MEAF6: variants seen among roughly 807,000 people sequenced by gnomAD.
MEAF6 encodes chromatin modification-related protein MEAF6.
A neutral mutation model predicts 28.9 loss-of-function variants in MEAF6; 15 were observed. The observed-to-expected ratio is 0.52, with a 90% CI of 0.35 to 0.80. The LOEUF (loss-of-function observed/expected upper bound fraction) is 0.80. Among genes scored for constraint, MEAF6 ranks in the 30% least tolerant of loss-of-function variants. The probability of loss-of-function intolerance (pLI) is 0.01; values close to 1 mark genes in which losing one functional copy is unlikely to be tolerated. For synonymous variants in MEAF6, 97 were observed against 88.7 expected, an observed-to-expected ratio of 1.09 and a Z score of -0.53; for missense variants, 178 against 237.5, an observed-to-expected ratio of 0.75 and a Z score of 1.65.
At chr1:37,502,075 T>C (rs1317398730) in intron 4 of MEAF6, 79 bp from the exon 5 acceptor site, 4 of 1,237,764 alleles carry the variant, frequency 3.2e-6, no homozygotes. Context: ...TGAACACTAA[T>C]AGGTAGAAAA....
chr1:37,497,602 A>G (rs949747173), intron 5 of MEAF6, among the ~76,000 whole-genome samples: 8 of 147,482 alleles, frequency 5.4e-5, no homozygotes, highest in African/African-American at 2.0e-4. Flanking sequence ...TTATTTATTT[A>G]TTTTTTGAGA....
intron 5 of MEAF6, chr1:37,500,844 A>G (rs1408868985): frequency 6.5e-6 from 1 of 153,490 alleles, no homozygotes; most frequent in African/African-American, 2.4e-5. Context: ...CATCCCTTGC[A>G]TTGCCCCCTT....
At chr1:37,509,986 AGGCT>A (rs1317043280) in intron 2 of MEAF6, among the ~76,000 whole-genome samples, 1 of 151,870 alleles carries the variant, frequency 6.6e-6, no homozygotes, top group African/African-American at 2.4e-5. Context: ...CATGTTGGTC[AGGCT>A]GGTCTTGAAC....
intron 6 of MEAF6, 75 bp from the exon 7 acceptor site, chr1:37,494,182 C>T (rs1642035325): frequency 7.9e-7 from 1 of 1,272,890 alleles, no homozygotes; most frequent in South Asian, 1.3e-5. Flanking sequence ...AAAAAAAAAT[C>T]TCATAAACAA....
chr1:37,496,219 G>A (rs1642126127), intron 5 of MEAF6, among the ~76,000 whole-genome samples: 1 of 152,188 alleles, frequency 6.6e-6, no homozygotes, highest in Non-Finnish European at 1.5e-5. Context: ...TAAAAAGACT[G>A]AAGTAAGAGG....
chr1:37,511,664 T>C (rs1315840009), intron 2 of MEAF6, among the ~76,000 whole-genome samples: 2 of 152,206 alleles, frequency 1.3e-5, no homozygotes, highest in Admixed American at 6.5e-5. Flanking sequence ...CAATTGCCTA[T>C]GTAAGATTTT....
At position 37,491,024 on chromosome 1, in the gene MEAF6, C is replaced by A. The variant is rs781153323; in HGVS notation, c.*3075G>T. Among the ~76,000 whole-genome samples, 3 of 151,880 alleles carry A rather than the reference C, an allele frequency of 2.0e-5. No individual in the cohort carries two copies. The highest frequency in any genetic ancestry group is 4.4e-5 in the Non-Finnish European group (3 of 67,986). ...CCTGGACGACAGAGCAAGACTCTGT[C>A]TCAAAAAAATAAATAAATAAAATAA... On this transcript the variant is annotated 3_prime_UTR_variant, in exon 7 of 7. Coordinates refer to ENST00000296214, the MANE Select transcript of MEAF6 (RefSeq NM_001270875.3).
chr1:37,500,841 T>A (rs1351923430), intron 5 of MEAF6: 1 of 153,438 alleles, frequency 6.5e-6, no homozygotes, highest in Non-Finnish European at 1.5e-5. Flanking sequence ...ACCCATCCCT[T>A]GCATTGCCCC....
At chr1:37,504,493 G>A (rs1038318579) in intron 4 of MEAF6, among the ~76,000 whole-genome samples, 1 of 151,980 alleles carries the variant, frequency 6.6e-6, no homozygotes, top group African/African-American at 2.4e-5. Flanking sequence ...TTATCTGGCC[G>A]AGCACAGTGG....
intron 5 of MEAF6, chr1:37,501,387 A>T (rs1642297294): frequency 6.4e-6 from 1 of 155,848 alleles, no homozygotes; most frequent in African/African-American, 2.4e-5. Flanking sequence ...CCATCCACAA[A>T]GAAATAAGAG....
rs1460429103 is a variant in MEAF6 at position 37,492,198 on chromosome 1, T to C, written c.*1901A>G. 1.3e-5 allele frequency among the ~76,000 whole-genome samples: 2 copies of C among 152,052 alleles called. No homozygotes were observed. Among genetic ancestry groups the C allele is most frequent in the Non-Finnish European group, 2.9e-5 (2 of 68,010 alleles). On this transcript the variant is annotated 3_prime_UTR_variant, in exon 7 of 7. Transcript: ENST00000296214. ...CACCCGCCACCACGCTCAGCTAATT[T>C]TTTGCATTTTTAGTAGAGATGGGGT...
chr1:37,514,736 T>TGCATCGCCATGTTGG lies in MEAF6; in HGVS notation c.-5_10dup (p.Met3_His4insProAsnMetAlaMet). 2 of 1,505,386 alleles carry TGCATCGCCATGTTGG rather than the reference T, an allele frequency of 1.3e-6. No individual in the cohort carries two copies. The highest frequency in any genetic ancestry group is 1.8e-6 in the Non-Finnish European group (2 of 1,130,242). 93.3% of individuals were successfully genotyped at this position (1,505,386 alleles called of 1,614,324 possible). On this transcript the variant is annotated inframe_insertion, in exon 1 of 7. Coordinates refer to ENST00000296214, the MANE Select transcript of MEAF6 (RefSeq NM_001270875.3). ...GATCTGCGGCGGCGCCGCCTTGTTG[T>TGCATCGCCATGTTGG]GCATCGCCATGTTGGGCTGAGGCGG...
At chr1:37,496,426 G>T in intron 5 of MEAF6, 1 of 424,010 alleles carries the variant, frequency 2.4e-6, no homozygotes, top group Non-Finnish European at 3.9e-6. Context: ...TCCTTATGAA[G>T]CAAAGCCAGA....
intron 1 of MEAF6, 34 bp downstream of exon 1, chr1:37,514,623 C>T: frequency 1.4e-6 from 2 of 1,460,394 alleles, no homozygotes; most frequent in Non-Finnish European, 1.8e-6. Context: ...GGCGCGGAGC[C>T]CCATGCCGTG....
chr1:37,507,983 CAAAAG>C (rs1642540914), intron 4 of MEAF6, among the ~76,000 whole-genome samples: 1 of 152,016 alleles, frequency 6.6e-6, no homozygotes, highest in Non-Finnish European at 1.5e-5. Flanking sequence ...CCAATGCCAA[CAAAAG>C]AACTAGATCC....
chr1:37,507,926 C>T (rs994949409), intron 4 of MEAF6, among the ~76,000 whole-genome samples: 2 of 151,802 alleles, frequency 1.3e-5, no homozygotes, highest in Non-Finnish European at 2.9e-5. Context: ...TAATTAAATA[C>T]TTCTAATTCC....
intron 1 of MEAF6, 94 bp from the exon 2 acceptor site, chr1:37,513,632 G>A: frequency 9.7e-7 from 1 of 1,028,582 alleles, no homozygotes; most frequent in Non-Finnish European, 1.5e-6. Flanking sequence ...ACTCGTAAAC[G>A]CAAGCTTGCC....
chr1:37,494,175 A>G (rs1247959207), intron 6 of MEAF6, 68 bp from the exon 7 acceptor site: 1 of 1,375,160 alleles, frequency 7.3e-7, no homozygotes, highest in Admixed American at 2.0e-5. Flanking sequence ...TAAAGGAAAA[A>G]AAAAATCTCA....
At position 37,492,902 on chromosome 1, in the gene MEAF6, T is replaced by G. The variant is rs1641985829; in HGVS notation, c.*1197A>C. On this transcript the variant is annotated 3_prime_UTR_variant, in exon 7 of 7. Transcript: ENST00000296214. ...CTCTTTTAAAGAAATTCCCAATAAC[T>G]AGGCTGTACCCCAGTCTCTAGGGAT... The G allele has an allele frequency of 6.6e-6, 1 of 152,200 alleles. No homozygotes were observed. Among genetic ancestry groups the G allele is most frequent in the African/African-American group, 2.4e-5 (1 of 41,458 alleles). 9.4% of individuals were successfully genotyped at this position (152,200 alleles called of 1,614,324 possible).
Sources: allele counts gnomAD v4.1 joint callset (sites outside exome capture counted in the v4.1 genomes callset), GRCh38; gene constraint gnomAD v4.1.1; transcripts MANE v1.5; gene names NCBI Gene and HGNC (gene_info 2026-07-23, HGNC 2026-07-21).